The following MAGI2 variants were observed in gnomAD, a reference collection of about 807,000 sequenced individuals.
MAGI2 encodes membrane-associated guanylate kinase, WW and PDZ domain-containing protein 2.
A neutral mutation model predicts 133.3 loss-of-function variants in MAGI2; 35 were observed. That is an observed-to-expected ratio of 0.26 (90% confidence interval 0.20 to 0.35). The LOEUF is 0.35. MAGI2 is among the 10% of genes least tolerant of loss of function. The pLI, the probability that MAGI2 is intolerant of heterozygous loss-of-function variation, is 1.00. For missense variants in MAGI2, 1,636 were observed against 1,863.4 expected (o/e 0.88, Z 2.25); for synonymous variants, 729 against 710.6 (o/e 1.03, Z -0.41).
At chr7:78,280,696 G>T (rs1270515559) in intron 9 of MAGI2, among the ~76,000 whole-genome samples, 1 of 151,924 alleles carries the variant, frequency 6.6e-6, no homozygotes, top group Non-Finnish European at 1.5e-5. Context: ...GAGCCAGGTG[G>T]GTGGAACCAT....
intron 3 of MAGI2, among the ~76,000 whole-genome samples, chr7:78,605,493 A>G (rs373296540): frequency 2.0e-5 from 3 of 152,348 alleles, no homozygotes; most frequent in African/African-American, 7.2e-5. Flanking sequence ...CACACCATGA[A>G]GGAAAGATTC....
chr7:78,420,380 C>G (rs1798688063), intron 6 of MAGI2, among the ~76,000 whole-genome samples: 1 of 152,058 alleles, frequency 6.6e-6, no homozygotes. Context: ...AATGGGAGGA[C>G]CATCAGCACA....
chr7:78,609,229 A>G (rs79303637), intron 3 of MAGI2, among the ~76,000 whole-genome samples: 7,078 of 152,296 alleles, frequency 0.046, 235 homozygotes, highest in East Asian at 0.086. Context: ...ACCCAGGATC[A>G]ATGCTTTGCA....
chr7:78,849,645 G>A (rs1792959577), intron 2 of MAGI2, among the ~76,000 whole-genome samples: 1 of 152,036 alleles, frequency 6.6e-6, no homozygotes, highest in African/African-American at 2.4e-5. Flanking sequence ...CAAGAGATAA[G>A]GAAAAGGTGA....
At chr7:79,292,671 G>A (rs370056307) in intron 1 of MAGI2, among the ~76,000 whole-genome samples, 1 of 147,254 alleles carries the variant, frequency 6.8e-6, no homozygotes, top group South Asian at 2.1e-4. Context: ...TTAAAATTGG[G>A]AGGTACCCTC....
intron 1 of MAGI2, among the ~76,000 whole-genome samples, chr7:79,163,094 C>T (rs1824538810): frequency 6.6e-6 from 1 of 152,030 alleles, no homozygotes; most frequent in South Asian, 2.1e-4. Context: ...CTTTTCTCTC[C>T]CCAAAACATC....
intron 6 of MAGI2, among the ~76,000 whole-genome samples, chr7:78,428,205 G>A (rs1799468769): frequency 6.6e-6 from 1 of 152,186 alleles, no homozygotes; most frequent in South Asian, 2.1e-4. Flanking sequence ...ATATTGCTAT[G>A]GAGGAATTGG....
intron 2 of MAGI2, among the ~76,000 whole-genome samples, chr7:78,631,161 G>A (rs963733756): frequency 4.6e-5 from 7 of 152,174 alleles, no homozygotes; most frequent in Non-Finnish European, 7.3e-5. Context: ...TCAGGAAAAT[G>A]TAATCATGAA....
At chr7:78,338,177 C>T (rs572176893) in intron 9 of MAGI2, among the ~76,000 whole-genome samples, 12 of 152,118 alleles carry the variant, frequency 7.9e-5, no homozygotes, top group Non-Finnish European at 1.8e-4. Context: ...TTCATCTTTA[C>T]CACTTATGAT....
At chr7:78,263,172 T>C (rs1350857483) in intron 9 of MAGI2, among the ~76,000 whole-genome samples, 1 of 152,204 alleles carries the variant, frequency 6.6e-6, no homozygotes, top group Non-Finnish European at 1.5e-5. Flanking sequence ...GTCTGTGTAG[T>C]ATTCCATGGC....
At chr7:78,055,222 A>G (rs1468127386) in intron 21 of MAGI2, among the ~76,000 whole-genome samples, 2 of 152,202 alleles carry the variant, frequency 1.3e-5, no homozygotes, top group Non-Finnish European at 2.9e-5. Flanking sequence ...CCTAGTAAAA[A>G]TTTCCTGAGA....
At chr7:78,102,007 T>G (rs950212201) in intron 20 of MAGI2, among the ~76,000 whole-genome samples, 7 of 152,134 alleles carry the variant, frequency 4.6e-5, no homozygotes, top group African/African-American at 9.7e-5. Flanking sequence ...AATATATATA[T>G]GAATGTAACT....
At chr7:79,442,655 C>G (rs1295401161) in intron 1 of MAGI2, among the ~76,000 whole-genome samples, 1 of 152,114 alleles carries the variant, frequency 6.6e-6, no homozygotes. Flanking sequence ...AGTATTTTAA[C>G]TGCTAGTAGG....
chr7:79,115,317 CA>C (rs1819296795), intron 1 of MAGI2, among the ~76,000 whole-genome samples: 1 of 152,158 alleles, frequency 6.6e-6, no homozygotes, highest in Admixed American at 6.5e-5. Context: ...GTCATATTCA[CA>C]TTACCAAAGG....
chr7:78,251,990 A>G (rs1792430945), intron 10 of MAGI2: 1 of 152,070 alleles, frequency 6.6e-6, no homozygotes, highest in African/African-American at 2.4e-5. Context: ...GAAAATTTAA[A>G]AAGCCAGGTA....
chr7:78,148,150 A>G (rs765214933), intron 16 of MAGI2, among the ~76,000 whole-genome samples: 1 of 152,224 alleles, frequency 6.6e-6, no homozygotes, highest in Non-Finnish European at 1.5e-5. Flanking sequence ...ATGCCCCTCA[A>G]CTAGGGAATG....
intron 3 of MAGI2, among the ~76,000 whole-genome samples, chr7:78,605,654 T>C (rs1192356865): frequency 2.0e-5 from 3 of 152,116 alleles, no homozygotes; most frequent in Non-Finnish European, 2.9e-5. Flanking sequence ...TGAAGTCTGT[T>C]TGGAGATGAA....
rs567476635 is a variant in MAGI2 at position 78,315,703 on chromosome 7, G to C, written c.1408+28075C>G. On this transcript the variant is annotated intron_variant, in intron 9 of 21. Coordinates refer to ENST00000354212, the MANE Select transcript of MAGI2 (RefSeq NM_012301.4). Reference sequence around the variant, plus strand: ...CAAATAAGAATTAAATGTATAGTAAGAGGCTAAAACATTATCTTCAAAATT... The same window carrying C: ...CAAATAAGAATTAAATGTATAGTAACAGGCTAAAACATTATCTTCAAAATT... Among the ~76,000 whole-genome samples, 348 of 152,244 alleles carry C rather than the reference G, an allele frequency of 2.3e-3. 1 individual carries two copies. Among genetic ancestry groups the C allele is most frequent in the African/African-American group, 7.8e-3 (324 of 41,562 alleles).
intron 2 of MAGI2, among the ~76,000 whole-genome samples, chr7:78,874,429 G>A (rs484767): frequency 0.54 from 82,646 of 151,874 alleles, 24,247 homozygotes; most frequent in Middle Eastern, 0.69. Context: ...TGGTAATGGC[G>A]GAATGAAATG....
Sources: allele counts gnomAD v4.1 joint callset (sites outside exome capture counted in the v4.1 genomes callset), GRCh38; gene constraint gnomAD v4.1.1; transcripts MANE v1.5; gene names NCBI Gene and HGNC (gene_info 2026-07-23, HGNC 2026-07-21).